IGF2BP1: variants seen among roughly 807,000 people sequenced by gnomAD.
The protein encoded by IGF2BP1 is insulin-like growth factor 2 mRNA-binding protein 1.
IGF2BP1 carries 11 observed loss-of-function variants against 74.9 expected under a neutral mutation model. The observed-to-expected ratio is 0.15, with a 90% confidence interval of 0.09 to 0.24. The LOEUF (loss-of-function observed/expected upper bound fraction) is 0.24, where lower values mean the gene tolerates loss of function less well. Ranked by LOEUF, IGF2BP1 falls within the 10% of genes least tolerant of loss-of-function variation. The probability of loss-of-function intolerance (pLI) is 1.00; values close to 1 mark genes in which losing one functional copy is unlikely to be tolerated. For synonymous variants in IGF2BP1, 287 were observed against 281.8 expected (o/e 1.02, Z -0.18); for missense variants, 440 against 757.4 (o/e 0.58, Z 4.92).
At chr17:49,035,730 C>A (rs1272877226) in intron 5 of IGF2BP1, among the ~76,000 whole-genome samples, 1 of 152,222 alleles carries the variant, frequency 6.6e-6, no homozygotes, top group Non-Finnish European at 1.5e-5. Context: ...TGCTCGCCTT[C>A]TAGAAGTTCC....
intron 5 of IGF2BP1, among the ~76,000 whole-genome samples, chr17:49,034,858 A>G (rs2144098112): frequency 6.6e-6 from 1 of 152,318 alleles, no homozygotes; most frequent in South Asian, 2.1e-4. Context: ...TAATAGGTGT[A>G]AAAATGACAA....
At chr17:49,034,115 CTTTTTTT>C (rs762314265) in intron 5 of IGF2BP1, among the ~76,000 whole-genome samples, 72 of 118,426 alleles carry the variant, frequency 6.1e-4, no homozygotes, top group Middle Eastern at 4.9e-3. Context: ...TGATTTGCCC[CTTTTTTT>C]TTTTTTTTTT....
At chr17:48,998,791 TCTGGGAG>T (rs1347365717) in intron 1 of IGF2BP1, among the ~76,000 whole-genome samples, 1 of 152,202 alleles carries the variant, frequency 6.6e-6, no homozygotes, top group Non-Finnish European at 1.5e-5. Flanking sequence ...CCTTCCCACA[TCTGGGAG>T]CTGTGTAGGC....
chr17:49,031,847 G>A, intron 4 of IGF2BP1, 63 bp from the exon 5 acceptor site: 3 of 1,417,268 alleles, frequency 2.1e-6, no homozygotes, highest in Non-Finnish European at 3.0e-6. Flanking sequence ...GCTGGAGTTG[G>A]GGATTCATTG....
chr17:49,004,621 C>T (rs1293289907), intron 2 of IGF2BP1: 5 of 152,144 alleles, frequency 3.3e-5, no homozygotes, highest in Non-Finnish European at 7.3e-5. Flanking sequence ...CTGACCGAAA[C>T]AATAACAGAG....
chr17:49,000,823 T>C (rs1318320431), intron 2 of IGF2BP1, among the ~76,000 whole-genome samples: 2 of 152,172 alleles, frequency 1.3e-5, no homozygotes, highest in Admixed American at 1.3e-4. Flanking sequence ...ATGAATCTTT[T>C]TCCCCAAGCC....
rs953946099 is a variant in IGF2BP1 at position 49,050,928 on chromosome 17, A to G, written c.*1484A>G. ...CACTTTAGCTACCCTGGACAATGCT[A>G]TCAAGTGTGCTGGGAAGGGAGGAAG... On this transcript the variant is annotated 3_prime_UTR_variant, in exon 15 of 15. Coordinates refer to ENST00000290341, the MANE Select transcript of IGF2BP1 (RefSeq NM_006546.4). The G allele has an allele frequency of 6.6e-6, 1 of 152,610 alleles. No homozygotes were observed. The highest frequency in any genetic ancestry group is 2.4e-5 in the African/African-American group (1 of 41,442). The allele number at this position is 152,610 out of a possible 1,614,324, so 9.5% of individuals were successfully genotyped here.
At chr17:49,012,315 GA>G (rs1331168326) in intron 2 of IGF2BP1, 1 of 152,238 alleles carries the variant, frequency 6.6e-6, no homozygotes, top group African/African-American at 2.4e-5. Context: ...AGAGGAAGCT[GA>G]ACAAAGTGGA....
intron 7 of IGF2BP1, among the ~76,000 whole-genome samples, chr17:49,041,063 C>T (rs1231765452): frequency 6.6e-6 from 1 of 152,090 alleles, no homozygotes; most frequent in Non-Finnish European, 1.5e-5. Flanking sequence ...CGTATAGTCC[C>T]AGCTACTCGG....
At chr17:48,998,911 A>T (rs1354164862) in intron 1 of IGF2BP1, among the ~76,000 whole-genome samples, 198 bp from the exon 2 acceptor site, 1 of 152,144 alleles carries the variant, frequency 6.6e-6, no homozygotes, top group Non-Finnish European at 1.5e-5. Context: ...TTAAAAAATG[A>T]ATAATAACGA....
At chr17:49,019,944 A>ATATATT (rs1434230184) in intron 2 of IGF2BP1, among the ~76,000 whole-genome samples, 1 of 55,834 alleles carries the variant, frequency 1.8e-5, no homozygotes, top group East Asian at 3.3e-4. Flanking sequence ...ATATATATAT[A>ATATATT]TATATTTATA....
chr17:49,048,397 C>A (rs576970837), intron 14 of IGF2BP1, among the ~76,000 whole-genome samples: 1 of 151,804 alleles, frequency 6.6e-6, no homozygotes, highest in South Asian at 2.1e-4. Context: ...GGATTACAGG[C>A]GCACGTCACC....
chr17:49,043,580 C>G, intron 10 of IGF2BP1, 30 bp downstream of exon 10: 1 of 1,610,846 alleles, frequency 6.2e-7, no homozygotes, highest in Non-Finnish European at 8.5e-7. Flanking sequence ...ACACGGGATC[C>G]CTGGGCCCAT....
intron 2 of IGF2BP1, among the ~76,000 whole-genome samples, chr17:49,009,145 A>T (rs552945540): frequency 6.6e-6 from 1 of 152,024 alleles, no homozygotes; most frequent in East Asian, 1.9e-4. Flanking sequence ...CTCCTGCCTC[A>T]GCCTCCCCGA....
In IGF2BP1 at chr17:49,045,074, CT is replaced by C; in HGVS notation, c.1395+12del. ...CAGAGGCCCAATTCAAGGTTTTGGT[CT>C]TTATTGTTTTCCAAGCTGAACATGG... is the stretch of plus-strand genomic sequence containing the variant. On this transcript the variant is annotated intron_variant, in intron 12 of 14. Transcript: ENST00000290341. 3 of 1,612,222 alleles carry C rather than the reference CT, an allele frequency of 1.9e-6. No individual in the cohort carries two copies. In the South Asian group the frequency reaches 3.3e-5, roughly 18 times the overall value.
At position 49,044,085 on chromosome 17, in the gene IGF2BP1, A is replaced by G; in HGVS notation, c.1319A>G (p.Lys440Arg). ...QLSRFASASI[K>R]IAPPETPDSK... ...TCCCGGTTTGCCAGCGCCTCCATCA[A>G]GGTGATCTGCTCTGTGGGTCTTCCT... Residue 440 changes from lysine (K) to arginine (R), a missense_variant and splice_region_variant, in exon 11 of 15, where the codon AAG becomes AGG. This residue lies in a region of IGF2BP1 where 117 missense variants were observed against 237.2 expected (regional missense o/e 0.49). Coordinates refer to ENST00000290341, the MANE Select transcript of IGF2BP1 (RefSeq NM_006546.4). 6.2e-7 allele frequency: 1 copy of G among 1,614,072 alleles called. No homozygotes were observed. Among genetic ancestry groups the G allele is most frequent in the Non-Finnish European group, 8.5e-7 (1 of 1,179,986 alleles).
chr17:49,025,313 A>AGTGTGTGT (rs369153046), intron 2 of IGF2BP1, among the ~76,000 whole-genome samples: 7,393 of 133,486 alleles, frequency 0.055, 269 homozygotes, highest in Non-Finnish European at 0.07. Context: ...GGACAAACAA[A>AGTGTGTGT]GTGTGTGTGT....
chr17:49,019,132 G>A (rs549387675), intron 2 of IGF2BP1, among the ~76,000 whole-genome samples: 60 of 152,226 alleles, frequency 3.9e-4, no homozygotes, highest in East Asian at 1.4e-3. Context: ...TGGCATCCTC[G>A]CTTCTGGGTA....
Position 49,053,885 on chromosome 17 carries a change from C to T in IGF2BP1, c.*4441C>T, listed in dbSNP as rs1255159452. The T allele has an allele frequency of 1.3e-5, 2 of 152,684 alleles. No individual in the cohort carries two copies. Among genetic ancestry groups the T allele is most frequent in the Non-Finnish European group, 2.9e-5 (2 of 68,058 alleles). The allele number at this position is 152,684 out of a possible 1,614,324, so 9.5% of individuals were successfully genotyped here. A position where few individuals can be genotyped will look rare whatever the true frequency, so the allele number is the denominator to read the frequency against. On this transcript the variant is annotated 3_prime_UTR_variant, in exon 15 of 15. Coordinates refer to ENST00000290341, the MANE Select transcript of IGF2BP1 (RefSeq NM_006546.4). Reference sequence around the variant, plus strand: ...TGGCTTTGCCATTCAAACCACTCGACTGTTTGCCTGTTTCTTGAAAACCAG... The same window carrying T: ...TGGCTTTGCCATTCAAACCACTCGATTGTTTGCCTGTTTCTTGAAAACCAG...
Sources: gnomAD v4.1 joint callset for allele counts (sites outside exome capture counted in the v4.1 genomes callset) on GRCh38, gnomAD v4.1.1 for gene constraint, gnomAD v4.1.1 regional missense constraint, MANE v1.5 for transcripts, NCBI Gene and HGNC (gene_info 2026-07-23, HGNC 2026-07-21) for gene names.